SLC7A7: variants seen among roughly 807,000 people sequenced by gnomAD.
SLC7A7 encodes Y+L amino acid transporter 1.
In SLC7A7, 39 loss-of-function variants were observed where a neutral mutation model predicts 47.9. The observed-to-expected ratio is 0.81, with a 90% CI of 0.63 to 1.06. The LOEUF is 1.06. Among genes scored for constraint, SLC7A7 ranks in the 50% least tolerant of loss-of-function variants. The pLI is 0.00. For synonymous variants in SLC7A7, 234 were observed against 242.8 expected (o/e 0.96, Z 0.34); for missense variants, 588 against 632.0 (o/e 0.93, Z 0.75).
At chr14:22,776,980 C>CAA (rs34004476) in intron 4 of SLC7A7, among the ~76,000 whole-genome samples, 135 of 139,796 alleles carry the variant, frequency 9.7e-4, no homozygotes, top group South Asian at 1.8e-3. Context: ...AAAAACAAAC[C>CAA]AAAAAAAAAA....
At chr14:22,799,745 G>A (rs768444488) in intron 2 of SLC7A7, among the ~76,000 whole-genome samples, 23 of 152,068 alleles carry the variant, frequency 1.5e-4, no homozygotes, top group African/African-American at 1.9e-4. Flanking sequence ...GTGAGCCACC[G>A]CCCTGGCCTG....
At chr14:22,795,396 TTC>T (rs1491326717) in intron 2 of SLC7A7, among the ~76,000 whole-genome samples, 994 of 69,002 alleles carry the variant, frequency 0.014, 19 homozygotes, top group Middle Eastern at 0.034. Context: ...CTTTCTTTCT[TTC>T]TTTCTTTCTT....
intron 2 of SLC7A7, among the ~76,000 whole-genome samples, chr14:22,797,462 G>A (rs2039038764): frequency 6.6e-6 from 1 of 152,132 alleles, no homozygotes. Context: ...TGTGTTCCAG[G>A]CCCTGTGCAG....
At chr14:22,782,377 A>G (rs981345268) in intron 2 of SLC7A7, among the ~76,000 whole-genome samples, 6 of 151,852 alleles carry the variant, frequency 4.0e-5, no homozygotes, top group African/African-American at 7.3e-5. Flanking sequence ...TGCTGGGATT[A>G]CAAGCATGAG....
Position 22,773,960 on chromosome 14 carries a change from G to A in SLC7A7, c.1402C>T (p.Arg468Ter), listed in dbSNP as rs386833807. ...FLIIRVPEHK[R>*]PLYLRRIVGS... ...ACGATCCTTCGGAGGTAAAGCGGTC[G>A]CTTATGTTCTGGCACTCTGATGATG... Residue 468 changes from arginine to a stop codon, truncating the protein, a stop_gained, in exon 9 of 10, where the codon CGA becomes TGA. Coordinates refer to ENST00000674313, the MANE Select transcript of SLC7A7 (RefSeq NM_003982.4). LOFTEE classifies it high-confidence loss of function. The A allele has an allele frequency of 1.5e-5, 25 of 1,614,040 alleles. No individual in the cohort carries two copies. The highest frequency in any genetic ancestry group is 2.7e-5 in the African/African-American group (2 of 74,940).
chr14:22,786,269 G>A (rs1001555719), intron 2 of SLC7A7, among the ~76,000 whole-genome samples: 12 of 152,182 alleles, frequency 7.9e-5, no homozygotes, highest in African/African-American at 2.2e-4. Context: ...AGTGGGCCGA[G>A]ATCACGGCAC....
intron 4 of SLC7A7, among the ~76,000 whole-genome samples, chr14:22,776,773 G>A (rs1028980041): frequency 1.4e-4 from 22 of 152,162 alleles, no homozygotes; most frequent in African/African-American, 5.1e-4. Context: ...TTCAAGACCA[G>A]CCTGGCCAAC....
chr14:22,793,209 G>A (rs1484938694), intron 2 of SLC7A7, among the ~76,000 whole-genome samples: 1 of 151,950 alleles, frequency 6.6e-6, no homozygotes, highest in African/African-American at 2.4e-5. Context: ...AAACCACCAC[G>A]CCCAGCCAAT....
chr14:22,779,424 C>T (rs978076255), intron 3 of SLC7A7, among the ~76,000 whole-genome samples: 6 of 151,874 alleles, frequency 4.0e-5, no homozygotes, highest in Non-Finnish European at 8.8e-5. Context: ...CCTCTACTTA[C>T]CGGTAGCAAC....
chr14:22,804,391 C>T (rs1566459023), intron 2 of SLC7A7, among the ~76,000 whole-genome samples: 1 of 152,076 alleles, frequency 6.6e-6, no homozygotes, highest in Non-Finnish European at 1.5e-5. Flanking sequence ...AGCTTCTGCA[C>T]AGCAAAATAA....
intron 2 of SLC7A7, among the ~76,000 whole-genome samples, chr14:22,812,095 G>A (rs1594983939): frequency 6.6e-6 from 1 of 152,120 alleles, no homozygotes; most frequent in Non-Finnish European, 1.5e-5. Flanking sequence ...TAGAGGAAAA[G>A]CACACTGTAG....
chr14:22,803,553 G>A (rs183432508), intron 2 of SLC7A7, among the ~76,000 whole-genome samples: 24 of 152,338 alleles, frequency 1.6e-4, no homozygotes, highest in Middle Eastern at 3.4e-3. Context: ...CTGGAGACGT[G>A]CCTTCCTTGC....
chr14:22,787,929 C>T (rs917175569), intron 2 of SLC7A7, among the ~76,000 whole-genome samples: 7 of 151,314 alleles, frequency 4.6e-5, no homozygotes, highest in East Asian at 3.9e-4. Context: ...AAAAGTTAGC[C>T]GGGCGTGGTG....
chr14:22,795,497 CAG>C (rs1321461969), intron 2 of SLC7A7, among the ~76,000 whole-genome samples: 2 of 141,398 alleles, frequency 1.4e-5, no homozygotes, highest in Non-Finnish European at 3.0e-5. Flanking sequence ...TTAATTGAGA[CAG>C]AGTCTCACTC....
intron 2 of SLC7A7, among the ~76,000 whole-genome samples, chr14:22,810,904 G>A (rs2039296109): frequency 6.6e-6 from 1 of 152,206 alleles, no homozygotes; most frequent in Admixed American, 6.5e-5. Flanking sequence ...CTTGAACCCG[G>A]GAGGCAGAGG....
At position 22,775,912 on chromosome 14, in the gene SLC7A7, T is replaced by C; in HGVS notation, c.919A>G (p.Ile307Val). ...GACAGTGGAATTATCCAGTTAAATA[T>C]TCCAAATATCTGATCTGCAAAAGTC... ...AVTFADQIFG[I>V]FNWIIPLSVA... The change falls in exon 6 of 10, where the codon ATA (isoleucine) becomes GTA (valine). Residue 307 changes from isoleucine (I) to valine (V), a missense_variant. Ile to Val is a conservative substitution (Grantham distance 29). Coordinates refer to ENST00000674313, the MANE Select transcript of SLC7A7 (RefSeq NM_003982.4). 6.2e-7 allele frequency: 1 copy of C among 1,613,866 alleles called. No individual in the cohort carries two copies. Among genetic ancestry groups the C allele is most frequent in the Non-Finnish European group, 8.5e-7 (1 of 1,179,786 alleles).
At chr14:22,779,477 C>A (rs2038677397) in intron 3 of SLC7A7, among the ~76,000 whole-genome samples, 1 of 145,184 alleles carries the variant, frequency 6.9e-6, no homozygotes, top group Admixed American at 6.9e-5. Context: ...GGGGGGGGGA[C>A]AGAGTCTCGC....
Position 22,773,443 on chromosome 14 carries a change from CAA to C in SLC7A7, c.*165_*166del. On this transcript the variant is annotated 3_prime_UTR_variant, in exon 10 of 10. Coordinates refer to ENST00000674313, the MANE Select transcript of SLC7A7 (RefSeq NM_003982.4). ...AAGTCTGGAACAGTATGTAGCAAAA[CAA>C]ATAAATTACTTTTCATTTCAAAAAG... 1.4e-6 allele frequency: 1 copy of C among 711,986 alleles called. No homozygotes were observed. Among genetic ancestry groups the C allele is most frequent in the South Asian group, 1.5e-5 (1 of 66,862 alleles). 44.1% of individuals were successfully genotyped at this position (711,986 alleles called of 1,614,324 possible). A position where few individuals can be genotyped will look rare whatever the true frequency, so the allele number is the denominator to read the frequency against.
At chr14:22,778,656 C>G (rs1371216488) in intron 4 of SLC7A7, 137 bp downstream of exon 4, 6 of 847,638 alleles carry the variant, frequency 7.1e-6, no homozygotes, top group East Asian at 5.2e-5. Context: ...CTTCTCTGAG[C>G]CTCAGGCCTC....
Sources: gnomAD v4.1 joint callset for allele counts (sites outside exome capture counted in the v4.1 genomes callset) on GRCh38, gnomAD v4.1.1 for gene constraint, MANE v1.5 for transcripts, NCBI Gene and HGNC (gene_info 2026-07-23, HGNC 2026-07-21) for gene names.